EPB41L5: variants seen among roughly 807,000 people sequenced by gnomAD.
EPB41L5 encodes the protein band 4.1-like protein 5.
Under a neutral mutation model 106.6 loss-of-function variants are expected in EPB41L5, and 55 were observed. The ratio of observed to expected loss-of-function variants is 0.52; its 90% confidence interval spans 0.42 to 0.65. The LOEUF (loss-of-function observed/expected upper bound fraction) is 0.65, where lower values mean the gene tolerates loss of function less well. EPB41L5 is among the 30% of genes least tolerant of loss of function. The probability of loss-of-function intolerance (pLI) is 0.00; values close to 1 mark genes in which losing one functional copy is unlikely to be tolerated. For synonymous variants in EPB41L5, 297 were observed against 306.7 expected, an observed-to-expected ratio of 0.97 and a Z score of 0.33; for missense variants, 871 against 882.1, an observed-to-expected ratio of 0.99 and a Z score of 0.16.
At chr2:120,063,954 G>T (rs1031271343) in intron 3 of EPB41L5, among the ~76,000 whole-genome samples, 1 of 151,034 alleles carries the variant, frequency 6.6e-6, no homozygotes, top group Non-Finnish European at 1.5e-5. Flanking sequence ...AAAAAAAAAA[G>T]AAAAAAGAAA....
chr2:120,078,733 A>G, intron 10 of EPB41L5, 152 bp downstream of exon 10: 1 of 527,648 alleles, frequency 1.9e-6, no homozygotes, highest in Non-Finnish European at 3.4e-6. Flanking sequence ...ACGCATCATT[A>G]TTCCTACTCT....
At chr2:120,070,989 G>T (rs1004403919) in intron 3 of EPB41L5, among the ~76,000 whole-genome samples, 1 of 152,120 alleles carries the variant, frequency 6.6e-6, no homozygotes, top group African/African-American at 2.4e-5. Context: ...TCTGGCCAGC[G>T]CAATCAGGCA....
rs543817839 is a variant in EPB41L5 at position 120,063,814 on chromosome 2, C to T, written c.286-9364C>T. Among the ~76,000 whole-genome samples, 57 of 152,058 alleles carry T rather than the reference C, an allele frequency of 3.7e-4. 1 individual carries two copies. The highest frequency in any genetic ancestry group is 1.4e-3 in the East Asian group (7 of 5,140). On this transcript the variant is annotated intron_variant, in intron 3 of 24. Transcript: ENST00000263713. ...AAAATTAGCCGGGCGTGGTGGCGGGCGCCTGTAATCCCAGCTACTCAGGAG... is the reference window on the plus strand; with the variant it reads ...AAAATTAGCCGGGCGTGGTGGCGGGTGCCTGTAATCCCAGCTACTCAGGAG...
At chr2:120,034,810 A>G (rs1339467440) in intron 2 of EPB41L5, among the ~76,000 whole-genome samples, 1 of 152,196 alleles carries the variant, frequency 6.6e-6, no homozygotes, top group Non-Finnish European at 1.5e-5. Context: ...GGCTGTGGTG[A>G]GCCATGCATG....
At chr2:120,049,348 G>A (rs962130811) in intron 3 of EPB41L5, among the ~76,000 whole-genome samples, 3 of 152,180 alleles carry the variant, frequency 2.0e-5, no homozygotes, top group Admixed American at 1.3e-4. Context: ...GTGTTCTCCT[G>A]TATTGGGTAC....
At chr2:120,041,840 A>G (rs1473448213) in intron 2 of EPB41L5, among the ~76,000 whole-genome samples, 166 bp from the exon 3 acceptor site, 3 of 152,248 alleles carry the variant, frequency 2.0e-5, no homozygotes, top group African/African-American at 7.2e-5. Context: ...TAAGTGATTT[A>G]TTAGAAAACT....
At chr2:120,052,046 T>C (rs1170623594) in intron 3 of EPB41L5, among the ~76,000 whole-genome samples, 2 of 152,158 alleles carry the variant, frequency 1.3e-5, no homozygotes, top group Non-Finnish European at 2.9e-5. Context: ...AGGCTGGTCT[T>C]GAACTCCTGA....
chr2:120,042,738 A>C (rs1467939002), intron 3 of EPB41L5, among the ~76,000 whole-genome samples: 1 of 152,150 alleles, frequency 6.6e-6, no homozygotes, highest in African/African-American at 2.4e-5. Context: ...TGAATGCCCA[A>C]AGTATTAAAT....
At chr2:120,125,336 C>T (rs1332851495) in intron 16 of EPB41L5, among the ~76,000 whole-genome samples, 2 of 152,150 alleles carry the variant, frequency 1.3e-5, no homozygotes, top group Admixed American at 6.5e-5. Context: ...GTCCAACTGC[C>T]GGCCTTTTCC....
intron 16 of EPB41L5, among the ~76,000 whole-genome samples, chr2:120,126,268 T>G (rs1358097361): frequency 6.6e-6 from 1 of 152,186 alleles, no homozygotes; most frequent in Non-Finnish European, 1.5e-5. Context: ...GGCATTTCAT[T>G]TTCATAATGG....
intron 18 of EPB41L5, among the ~76,000 whole-genome samples, chr2:120,135,139 A>G (rs907943177): frequency 6.6e-6 from 1 of 152,168 alleles, no homozygotes; most frequent in African/African-American, 2.4e-5. Flanking sequence ...CAGGAATCCT[A>G]GAGCTGAAAA....
chr2:120,106,031 T>C, intron 16 of EPB41L5: 4 of 984,724 alleles, frequency 4.1e-6, no homozygotes, highest in Non-Finnish European at 4.8e-6. Context: ...TAATGCCCCA[T>C]ATATATCTTA....
chr2:120,143,974 C>G (rs12621223), intron 19 of EPB41L5, among the ~76,000 whole-genome samples: 96,717 of 151,938 alleles, frequency 0.64, 32,127 homozygotes, highest in Middle Eastern at 0.74. Context: ...CTACCTTAAG[C>G]TGGGTTGTAA....
chr2:120,109,639 A>G (rs986680957), intron 16 of EPB41L5, among the ~76,000 whole-genome samples: 3 of 152,176 alleles, frequency 2.0e-5, no homozygotes, highest in Admixed American at 2.0e-4. Context: ...GTTTTGTTCT[A>G]CTGCATCGGT....
chr2:120,100,313 A>G, intron 15 of EPB41L5, 27 bp downstream of exon 15: 1 of 1,604,040 alleles, frequency 6.2e-7, no homozygotes, highest in Admixed American at 1.7e-5. Flanking sequence ...CTTCTAAAAC[A>G]CTGGATCACC....
At chr2:120,132,974 A>G (rs942646743) in intron 18 of EPB41L5, among the ~76,000 whole-genome samples, 4 of 152,180 alleles carry the variant, frequency 2.6e-5, no homozygotes, top group African/African-American at 9.7e-5. Context: ...TCTCACTATG[A>G]TATAACTGAT....
intron 3 of EPB41L5, among the ~76,000 whole-genome samples, chr2:120,061,245 C>A: frequency 7.2e-6 from 1 of 138,914 alleles, no homozygotes. Context: ...TTTTTTGAGA[C>A]GGAGTCTCGC....
Position 120,035,268 on chromosome 2 carries a change from A to T in EPB41L5, c.181-6738A>T, listed in dbSNP as rs11892413. On this transcript the variant is annotated intron_variant, in intron 2 of 24. Transcript: ENST00000263713. The stretch of plus-strand genomic sequence containing the variant: ...AGATTCTTCTAAAAAAATTTTTTTT[A>T]AAAATTTTTTGTAGAGATAGGGTCT... 8.4e-3 allele frequency among the ~76,000 whole-genome samples: 1,278 copies of T among 152,194 alleles called. 19 individuals are homozygous for T. The highest frequency in any genetic ancestry group is 0.029 in the African/African-American group (1,209 of 41,542).
At chr2:120,104,938 CTGAA>C (rs1684363531) in intron 16 of EPB41L5, 1 of 978,728 alleles carries the variant, frequency 1.0e-6, no homozygotes, top group Admixed American at 6.2e-5. Context: ...CAGTGGTTAA[CTGAA>C]TGGTTACATT....
Sources: allele counts gnomAD v4.1 joint callset (sites outside exome capture counted in the v4.1 genomes callset), GRCh38; gene constraint gnomAD v4.1.1; transcripts MANE v1.5; gene names NCBI Gene and HGNC (gene_info 2026-07-23, HGNC 2026-07-21).